Variants in ZNF469 observed in about 807,000 individuals in gnomAD.
ZNF469 encodes the protein zinc finger protein 469.
A neutral mutation model predicts 1.0 loss-of-function variants in ZNF469; 1 was observed. The ratio of observed to expected loss-of-function variants is 1.00; its 90% confidence interval spans 0.35 to 4.73. The LOEUF is 4.73. Ranked by LOEUF, ZNF469 falls within the 30% of genes most tolerant of loss-of-function variation. The pLI is 0.16. For synonymous variants in ZNF469, 2,703 were observed against 2,363.4 expected (o/e 1.14, Z -4.17); for missense variants, 6,100 against 5,356.3 (o/e 1.14, Z -4.33).
At chr16:88,159,189 G>A in the ZNF469 span, among the ~76,000 whole-genome samples, 24 of 79,064 alleles carry the variant, frequency 3.0e-4, no homozygotes, top group Admixed American at 1.0e-3. Context: ...TCCTGGTCAC[G>A]GATGCTCACA....
the ZNF469 span, among the ~76,000 whole-genome samples, chr16:88,194,087 TCCCGC>T: frequency 6.6e-6 from 1 of 152,070 alleles, no homozygotes; most frequent in Non-Finnish European, 1.5e-5. Flanking sequence ...CTCTTTAAGC[TCCCGC>T]CCCTGGTTAC....
chr16:88,131,961 G>A, the ZNF469 span, among the ~76,000 whole-genome samples: 88 of 152,356 alleles, frequency 5.8e-4, no homozygotes, highest in African/African-American at 1.1e-3. Flanking sequence ...TGCCCGGCCC[G>A]CGCATCTCCG....
At chr16:88,389,332 G>A (rs1904420132) in intron 1 of ZNF469, among the ~76,000 whole-genome samples, 1 of 152,224 alleles carries the variant, frequency 6.6e-6, no homozygotes, top group Non-Finnish European at 1.5e-5. Flanking sequence ...GGCGGGAGTC[G>A]GCGCTTCCTT....
At chr16:88,337,602 C>A in the ZNF469 span, among the ~76,000 whole-genome samples, 7 of 152,194 alleles carry the variant, frequency 4.6e-5, no homozygotes, top group African/African-American at 1.7e-4. Flanking sequence ...GAGGAAGTGC[C>A]AGGCTGCTCC....
chr16:88,235,799 G>T, the ZNF469 span, among the ~76,000 whole-genome samples: 1 of 152,240 alleles, frequency 6.6e-6, no homozygotes, highest in African/African-American at 2.4e-5. Flanking sequence ...ACAGCTCCAG[G>T]GGGTCCTGAG....
chr16:88,385,669 C>G (rs1397897169), intron 1 of ZNF469, among the ~76,000 whole-genome samples: 2 of 151,388 alleles, frequency 1.3e-5, no homozygotes, highest in Non-Finnish European at 2.9e-5. Context: ...AATTCTGTTA[C>G]CCTGCCTGCC....
chr16:88,203,939 C>G, the ZNF469 span, among the ~76,000 whole-genome samples: 2 of 152,080 alleles, frequency 1.3e-5, no homozygotes, highest in South Asian at 4.1e-4. Context: ...GAAATAGAAT[C>G]TTAAAGAAGT....
the ZNF469 span, among the ~76,000 whole-genome samples, chr16:88,185,746 G>T: frequency 6.3e-5 from 6 of 94,576 alleles, no homozygotes; most frequent in African/African-American, 2.6e-4. Context: ...ATACACACTC[G>T]TGTGCCCAGA....
chr16:88,310,769 C>T, the ZNF469 span, among the ~76,000 whole-genome samples: 19 of 151,924 alleles, frequency 1.3e-4, no homozygotes, highest in Non-Finnish European at 2.2e-4. Flanking sequence ...TAGTAGAGAC[C>T]GGGTTTCACC....
the ZNF469 span, among the ~76,000 whole-genome samples, chr16:88,367,664 A>AAGC: frequency 6.6e-6 from 1 of 152,204 alleles, no homozygotes; most frequent in East Asian, 1.9e-4. Context: ...AGCCAAGCCC[A>AAGC]AGCATGCAGT....
the ZNF469 span, among the ~76,000 whole-genome samples, chr16:88,215,383 A>ATTTTTTTTTTTTTTTTTTTTTTT: frequency 1.1e-5 from 1 of 94,188 alleles, no homozygotes; most frequent in Non-Finnish European, 1.9e-5. Context: ...TTGCCTTTTA[A>ATTTTTTTTTTTTTTTTTTTTTTT]TTTTTTTTTT....
At chr16:88,359,020 A>G in the ZNF469 span, among the ~76,000 whole-genome samples, 7 of 151,318 alleles carry the variant, frequency 4.6e-5, no homozygotes, top group Non-Finnish European at 7.4e-5. Flanking sequence ...TTCTACGGGG[A>G]CTCCCCCTAG....
the ZNF469 span, among the ~76,000 whole-genome samples, chr16:88,181,930 T>G: frequency 6.6e-6 from 1 of 152,208 alleles, no homozygotes; most frequent in Non-Finnish European, 1.5e-5. Context: ...AGATTGGAAA[T>G]AAGACATAAA....
chr16:88,305,881 A>G, the ZNF469 span, among the ~76,000 whole-genome samples: 1 of 151,990 alleles, frequency 6.6e-6, no homozygotes, highest in Non-Finnish European at 1.5e-5. Context: ...ACATACACAC[A>G]TACATCCCCA....
chr16:88,265,657 C>T, the ZNF469 span, among the ~76,000 whole-genome samples: 6 of 152,198 alleles, frequency 3.9e-5, no homozygotes, highest in African/African-American at 7.2e-5. Context: ...TCAATGTTCC[C>T]GTCTGTGAAG....
the ZNF469 span, among the ~76,000 whole-genome samples, chr16:88,169,258 A>G: frequency 3.9e-5 from 6 of 152,332 alleles, no homozygotes; most frequent in African/African-American, 1.4e-4. This position sits in a 1 kb window ranked among gnomAD's most constrained non-coding sequence, Gnocchi z 6.1. Flanking sequence ...AATCTACGTC[A>G]GTAAAATCCA....
chr16:88,169,588 G>A, the ZNF469 span, among the ~76,000 whole-genome samples: 2 of 152,232 alleles, frequency 1.3e-5, no homozygotes, highest in Non-Finnish European at 2.9e-5. This position sits in a 1 kb window ranked among gnomAD's most constrained non-coding sequence, Gnocchi z 6.1. Context: ...GGCACCAGCT[G>A]CGGTGGTCCA....
the ZNF469 span, among the ~76,000 whole-genome samples, chr16:88,228,210 G>C: frequency 1.5e-3 from 230 of 152,390 alleles, no homozygotes; most frequent in African/African-American, 5.5e-3. Flanking sequence ...GGGAGGGTGT[G>C]GGCTGTGGAG....
chr16:88,142,163 G>A, the ZNF469 span, among the ~76,000 whole-genome samples: 509 of 152,338 alleles, frequency 3.3e-3, no homozygotes, highest in Non-Finnish European at 5.9e-3. Context: ...GCAGGGCCAC[G>A]TTCAGCACAG....
Sources: gnomAD v4.1 joint callset for allele counts (sites outside exome capture counted in the v4.1 genomes callset) on GRCh38, gnomAD v4.1.1 for gene constraint, Gnocchi (gnomAD v3.1) non-coding constraint, MANE v1.5 for transcripts, NCBI Gene and HGNC (gene_info 2026-07-23, HGNC 2026-07-21) for gene names.